Variants in PILRA observed in about 807,000 individuals in gnomAD.
The protein encoded by PILRA is paired immunoglobin like type 2 receptor alpha, also known as paired immunoglobulin-like type 2 receptor alpha.
Under a neutral mutation model 33.1 loss-of-function variants are expected in PILRA, and 37 were observed. The observed-to-expected ratio is 1.12, with a 90% CI of 0.86 to 1.47. The LOEUF (loss-of-function observed/expected upper bound fraction) is 1.47. PILRA is among the 40% of genes most tolerant of loss of function. The probability of loss-of-function intolerance (pLI) is 0.00; values close to 1 mark genes in which losing one functional copy is unlikely to be tolerated. For synonymous variants in PILRA, 146 were observed against 149.9 expected, an observed-to-expected ratio of 0.97 and a Z score of 0.19; for missense variants, 312 against 376.2, an observed-to-expected ratio of 0.83 and a Z score of 1.41.
At chr7:100,380,727 A>C (rs1393924362) in intron 2 of PILRA, among the ~76,000 whole-genome samples, 1 of 152,180 alleles carries the variant, frequency 6.6e-6, no homozygotes, top group Non-Finnish European at 1.5e-5. Context: ...GCAGTTTGGT[A>C]GGCCGAGGCG....
chr7:100,394,531 T>G (rs1791453096), intron 3 of PILRA, among the ~76,000 whole-genome samples: 2 of 143,074 alleles, frequency 1.4e-5, no homozygotes, highest in African/African-American at 5.3e-5. Flanking sequence ...GAGGCGGAGG[T>G]TGCAGTGAGC....
At chr7:100,375,212 A>AG (rs1289383691) in intron 2 of PILRA, among the ~76,000 whole-genome samples, 1 of 152,024 alleles carries the variant, frequency 6.6e-6, no homozygotes, top group African/African-American at 2.4e-5. Flanking sequence ...CCCAACACTA[A>AG]GGGATGTGTC....
chr7:100,399,526 T>C, intron 5 of PILRA, 55 bp from the exon 6 acceptor site: 2 of 1,604,974 alleles, frequency 1.2e-6, no homozygotes, highest in Non-Finnish European at 1.7e-6. Flanking sequence ...TGCCCATCTC[T>C]CTCCCCTGGC....
intron 3 of PILRA, among the ~76,000 whole-genome samples, chr7:100,390,337 C>A (rs544257340): frequency 1.3e-5 from 2 of 152,258 alleles, no homozygotes; most frequent in South Asian, 2.1e-4. Flanking sequence ...GCCGATCCCC[C>A]CCTAGTTCTT....
chr7:100,399,770 T>G lies in PILRA; in HGVS notation c.790-15T>G. On this transcript the variant is annotated splice_polypyrimidine_tract_variant and intron_variant, in intron 6 of 6. Transcript: ENST00000198536. Reference sequence around the variant, plus strand: ...TCTCCACTGTCTAACCCTTTCTCTCTGGGTTCTCGCCCAGGATGACGGCAT... The same window carrying G: ...TCTCCACTGTCTAACCCTTTCTCTCGGGGTTCTCGCCCAGGATGACGGCAT... The G allele has an allele frequency of 6.2e-7, 1 of 1,610,186 alleles. No individual in the cohort carries two copies. Among genetic ancestry groups the G allele is most frequent in the South Asian group, 1.1e-5 (1 of 90,620 alleles).
chr7:100,394,116 C>T (rs144520861), intron 3 of PILRA, among the ~76,000 whole-genome samples: 368 of 152,284 alleles, frequency 2.4e-3, no homozygotes, highest in Non-Finnish European at 4.4e-3. Context: ...GGATTAGAGA[C>T]TTGCCAGCTA....
chr7:100,397,149 T>C (rs575151066), intron 3 of PILRA, among the ~76,000 whole-genome samples: 13 of 138,998 alleles, frequency 9.4e-5, no homozygotes, highest in Admixed American at 5.0e-4. Flanking sequence ...AAAAGTCCTG[T>C]AGAAGTGGAA....
intron 4 of PILRA, among the ~76,000 whole-genome samples, chr7:100,398,602 C>G (rs760230490): frequency 1.3e-5 from 2 of 152,208 alleles, no homozygotes; most frequent in African/African-American, 4.8e-5. Context: ...ATTCACCCAG[C>G]CTGAACCCCT....
chr7:100,384,135 G>A (rs1353715401), intron 2 of PILRA, among the ~76,000 whole-genome samples: 3 of 152,062 alleles, frequency 2.0e-5, no homozygotes, highest in East Asian at 3.9e-4. Context: ...GATTGGATGT[G>A]GGGTATGAGA....
chr7:100,399,823 C>T lies in PILRA; in HGVS notation c.828C>T (p.Ser276=), dbSNP rs1387933690. Residue 276 remains serine (S), a synonymous_variant, in exon 7 of 7, where the codon AGC becomes AGT. Transcript: ENST00000198536. The part of the protein sequence containing the change: ...GIVYASLALS[S]STSPRAPPSH... ...TCTATGCTTCCCTTGCCCTCTCCAG[C>T]TCCACCTCACCCAGAGCACCTCCCA... The T allele has an allele frequency of 6.2e-7, 1 of 1,613,402 alleles. No homozygotes were observed. Among genetic ancestry groups the T allele is most frequent in the Non-Finnish European group, 8.5e-7 (1 of 1,179,596 alleles).
chr7:100,379,463 C>T (rs548038264), intron 2 of PILRA, among the ~76,000 whole-genome samples: 13 of 151,658 alleles, frequency 8.6e-5, no homozygotes, highest in African/African-American at 3.1e-4. Context: ...GTCAGGAGTT[C>T]GAGACCAGCC....
Position 100,381,917 on chromosome 7 carries a change from G to A in PILRA, c.454+7484G>A, listed in dbSNP as rs1475194992. Among the ~76,000 whole-genome samples the A allele has an allele frequency of 4.6e-5, 7 of 152,312 alleles. No homozygotes were observed. In the East Asian group the frequency reaches 1.2e-3, roughly 25 times the overall value. On this transcript the variant is annotated intron_variant, in intron 2 of 6. Transcript: ENST00000198536. ...GCCCCAGCAGTGCCAGCCCACCGGC[G>A]CTGTGCTCGATTTCTCGCCAGGCCT...
intron 5 of PILRA, 101 bp downstream of exon 5, chr7:100,399,441 C>G (rs1167517565): frequency 7.3e-7 from 1 of 1,366,552 alleles, no homozygotes; most frequent in African/African-American, 1.8e-5. Context: ...GTATTTTCTT[C>G]TTTCCATTCC....
chr7:100,398,677 G>A (rs921318577), intron 4 of PILRA, among the ~76,000 whole-genome samples: 3 of 152,196 alleles, frequency 2.0e-5, no homozygotes, highest in Admixed American at 6.5e-5. Context: ...CCAAGGCAGC[G>A]CCAGCAGAGA....
intron 3 of PILRA, 72 bp from the exon 4 acceptor site, chr7:100,397,807 G>A (rs1030351179): frequency 1.5e-5 from 22 of 1,486,790 alleles, no homozygotes; most frequent in Middle Eastern, 2.3e-4. Flanking sequence ...AGCCTAGGGC[G>A]CAGCAGAGAA....
upstream of PILRA, among the ~76,000 whole-genome samples, chr7:100,371,973 G>A (rs549039890): frequency 6.6e-5 from 10 of 152,220 alleles, no homozygotes; most frequent in African/African-American, 2.4e-5. Flanking sequence ...GCTACCCAGA[G>A]GCTGTTGGCT....
chr7:100,398,930 T>G (rs1438290228), intron 4 of PILRA, among the ~76,000 whole-genome samples: 1 of 149,440 alleles, frequency 6.7e-6, no homozygotes, highest in Non-Finnish European at 1.5e-5. Flanking sequence ...GTCATAACTC[T>G]TTCTTCAATT....
chr7:100,382,785 G>A (rs560968195), intron 2 of PILRA, among the ~76,000 whole-genome samples: 1 of 152,250 alleles, frequency 6.6e-6, no homozygotes, highest in South Asian at 2.1e-4. Flanking sequence ...TTTATGAGCT[G>A]TAACACTCAC....
At chr7:100,383,588 C>T (rs1232808872) in intron 2 of PILRA, among the ~76,000 whole-genome samples, 2 of 150,478 alleles carry the variant, frequency 1.3e-5, no homozygotes, top group East Asian at 2.0e-4. Flanking sequence ...GCCATGGGAG[C>T]GAAGGAGCGT....
Sources: gnomAD v4.1 joint callset for allele counts (sites outside exome capture counted in the v4.1 genomes callset) on GRCh38, gnomAD v4.1.1 for gene constraint, MANE v1.5 for transcripts, NCBI Gene and HGNC (gene_info 2026-07-23, HGNC 2026-07-21) for gene names.